GRM8: variants seen among roughly 807,000 people sequenced by gnomAD.
GRM8 encodes metabotropic glutamate receptor 8.
In GRM8, 47 loss-of-function variants were observed where a neutral mutation model predicts 87.2. That is an observed-to-expected ratio of 0.54 (90% CI 0.43 to 0.69). The LOEUF (loss-of-function observed/expected upper bound fraction) is 0.69. Among genes scored for constraint, GRM8 ranks in the 30% least tolerant of loss-of-function variants. GRM8 has a pLI of 0.00. For synonymous variants in GRM8, 396 were observed against 404.5 expected (o/e 0.98, Z 0.25); for missense variants, 1,019 against 1,139.2 (o/e 0.89, Z 1.52).
intron 7 of GRM8, among the ~76,000 whole-genome samples, chr7:126,699,242 A>C (rs1302600228): frequency 6.6e-6 from 1 of 152,198 alleles, no homozygotes; most frequent in African/African-American, 2.4e-5. Flanking sequence ...GGTTAGATTT[A>C]AAGATTCAAC....
intron 7 of GRM8, among the ~76,000 whole-genome samples, chr7:126,741,587 G>A (rs1414614666): frequency 1.3e-5 from 2 of 152,008 alleles, no homozygotes; most frequent in African/African-American, 2.4e-5. Context: ...CAAGAAGACC[G>A]GTCTAACACG....
chr7:127,080,806 G>T (rs997294382), intron 3 of GRM8: 6 of 152,192 alleles, frequency 3.9e-5, no homozygotes, highest in African/African-American at 1.4e-4. Context: ...CAGAACAGTG[G>T]GAAGGAGCTG....
At chr7:126,536,665 T>A (rs1815773747) in intron 8 of GRM8, among the ~76,000 whole-genome samples, 1 of 151,926 alleles carries the variant, frequency 6.6e-6, no homozygotes, top group Admixed American at 6.6e-5. Context: ...AGAAAAAAAA[T>A]GAAATGCTCC....
At chr7:126,663,721 A>G (rs1375803422) in intron 7 of GRM8, among the ~76,000 whole-genome samples, 2 of 152,228 alleles carry the variant, frequency 1.3e-5, no homozygotes, top group Non-Finnish European at 2.9e-5. Context: ...ATCCCCACTT[A>G]GAACAGGAAC....
intron 6 of GRM8, among the ~76,000 whole-genome samples, chr7:126,845,450 C>G (rs769965526): frequency 9.2e-5 from 14 of 151,962 alleles, no homozygotes; most frequent in Non-Finnish European, 1.6e-4. Context: ...TTTTTTATCC[C>G]AAAGGAGTAA....
intron 3 of GRM8, 28 bp from the exon 4 acceptor site, chr7:126,904,711 T>C (rs768257573): frequency 6.2e-6 from 10 of 1,606,188 alleles, no homozygotes; most frequent in Non-Finnish European, 6.8e-6. Flanking sequence ...GAGGTGGTGA[T>C]TCAGAAAGAG....
intron 3 of GRM8, among the ~76,000 whole-genome samples, chr7:127,041,235 G>A (rs1157002495): frequency 1.3e-5 from 2 of 152,212 alleles, no homozygotes; most frequent in African/African-American, 2.4e-5. Context: ...CAGTGGACTG[G>A]GATCAGCAGG....
intron 7 of GRM8, among the ~76,000 whole-genome samples, chr7:126,615,880 A>C (rs1429990125): frequency 5.3e-5 from 8 of 152,040 alleles, no homozygotes; most frequent in Admixed American, 1.3e-4. Flanking sequence ...TAAAGCAAGT[A>C]CTTAGAGACC....
In GRM8 at chr7:127,252,897, A is replaced by T. The variant is rs544362718; in HGVS notation, c.-412T>A. On this transcript the variant is annotated 5_prime_UTR_variant, in exon 1 of 11. Transcript: ENST00000339582. The surrounding 1 kb of genome is among the most constrained non-coding windows in gnomAD (Gnocchi z 4.9). ...CGCCGCCGCCGCGTGAGGCGAGCAC[A>T]GCGGCCGCACTTGTGGCTGATCTCT... is the stretch of plus-strand genomic sequence containing the variant. 5.1e-3 allele frequency: 1,087 copies of T among 212,150 alleles called. 12 individuals carry two copies. The highest frequency in any genetic ancestry group is 0.023 in the African/African-American group (986 of 42,020). 13.1% of individuals were successfully genotyped at this position (212,150 alleles called of 1,614,324 possible).
chr7:126,824,224 T>A (rs1252763588), intron 6 of GRM8, among the ~76,000 whole-genome samples: 1 of 152,172 alleles, frequency 6.6e-6, no homozygotes, highest in Non-Finnish European at 1.5e-5. Context: ...TGTTCTCCAG[T>A]GGCAGACAGC....
intron 9 of GRM8, among the ~76,000 whole-genome samples, chr7:126,481,886 A>C (rs1472813990): frequency 6.6e-6 from 1 of 152,094 alleles, no homozygotes; most frequent in Non-Finnish European, 1.5e-5. Flanking sequence ...AGGACGAAGG[A>C]GAGCTTTCTG....
chr7:126,541,245 C>A (rs1266495590), intron 8 of GRM8, among the ~76,000 whole-genome samples: 1 of 152,128 alleles, frequency 6.6e-6, no homozygotes, highest in Non-Finnish European at 1.5e-5. Flanking sequence ...AGACAGCAGT[C>A]TGGAGGTTGC....
intron 3 of GRM8, among the ~76,000 whole-genome samples, chr7:126,984,531 C>A (rs2131886389): frequency 6.6e-6 from 1 of 152,322 alleles, no homozygotes; most frequent in African/African-American, 2.4e-5. Flanking sequence ...ATGCTTCCTG[C>A]CCTTGAACAC....
intron 3 of GRM8, among the ~76,000 whole-genome samples, chr7:127,043,029 G>T (rs1266911881): frequency 6.6e-6 from 1 of 152,168 alleles, no homozygotes; most frequent in African/African-American, 2.4e-5. Flanking sequence ...AATCATCACT[G>T]GCCATCAGAT....
At chr7:127,049,228 TAC>T (rs967342330) in intron 3 of GRM8, among the ~76,000 whole-genome samples, 1 of 151,610 alleles carries the variant, frequency 6.6e-6, no homozygotes, top group African/African-American at 2.4e-5. Flanking sequence ...AACATACACA[TAC>T]ACACACACAC....
intron 3 of GRM8, among the ~76,000 whole-genome samples, chr7:127,030,181 C>T (rs1817222152): frequency 6.6e-6 from 1 of 152,052 alleles, no homozygotes; most frequent in Non-Finnish European, 1.5e-5. Flanking sequence ...ATTGGTCCAG[C>T]TCCTGCACCT....
chr7:126,930,071 C>T (rs1166524432), intron 3 of GRM8, among the ~76,000 whole-genome samples: 1 of 152,040 alleles, frequency 6.6e-6, no homozygotes, highest in Non-Finnish European at 1.5e-5. Context: ...GAATCATAGC[C>T]CTGTGTCTTC....
At chr7:126,554,223 A>C (rs1002334648) in intron 8 of GRM8, among the ~76,000 whole-genome samples, 1 of 152,004 alleles carries the variant, frequency 6.6e-6, no homozygotes, top group African/African-American at 2.4e-5. Flanking sequence ...TAAATTGTAG[A>C]TAAAAATAAA....
intron 3 of GRM8, among the ~76,000 whole-genome samples, chr7:127,041,826 C>T (rs896850408): frequency 1.3e-5 from 2 of 152,190 alleles, no homozygotes; most frequent in South Asian, 4.1e-4. Flanking sequence ...TTGGCTGGCA[C>T]AGCTGAGTTT....
Sources: allele counts gnomAD v4.1 joint callset (sites outside exome capture counted in the v4.1 genomes callset), GRCh38; gene constraint gnomAD v4.1.1; non-coding constraint Gnocchi (gnomAD v3.1); transcripts MANE v1.5; gene names NCBI Gene and HGNC (gene_info 2026-07-23, HGNC 2026-07-21).